CAPS2: variants seen among roughly 807,000 people sequenced by gnomAD.
CAPS2 encodes calcyphosine 2.
CAPS2 carries 98 observed loss-of-function variants against 86.5 expected under a neutral mutation model. The ratio of observed to expected loss-of-function variants is 1.13; its 90% CI spans 0.96 to 1.34. The LOEUF (loss-of-function observed/expected upper bound fraction) is 1.34, where lower values mean the gene tolerates loss of function less well. Among genes scored for constraint, CAPS2 ranks in the 40% most tolerant of loss-of-function variants. The probability of loss-of-function intolerance (pLI) is 0.00; values close to 1 mark genes in which losing one functional copy is unlikely to be tolerated. For missense variants in CAPS2, 729 were observed against 686.8 expected, an observed-to-expected ratio of 1.06 and a Z score of -0.69; for synonymous variants, 210 against 225.1, an observed-to-expected ratio of 0.93 and a Z score of 0.60.
chr12:75,276,061 A>C, downstream of CAPS2: 1 of 731,886 alleles, frequency 1.4e-6, no homozygotes. Context: ...TAAAATAAAA[A>C]TGGAACGATA....
chr12:75,276,805 A>G (rs2033014767), downstream of CAPS2: 32 of 909,300 alleles, frequency 3.5e-5, no homozygotes, highest in Admixed American at 6.2e-5. Context: ...TAAAATATAC[A>G]TAACTATAAA....
exon 17 of CAPS2, chr12:75,277,570 T>A (rs1173375452): frequency 4.2e-5 from 40 of 958,406 alleles, no homozygotes; most frequent in Non-Finnish European, 4.6e-5. Flanking sequence ...ACTAGAGGTT[T>A]ACACATATTT....
exon 6 of CAPS2, chr12:75,316,414 G>A (rs1200706201): frequency 6.5e-7 from 1 of 1,549,342 alleles, no homozygotes; most frequent in South Asian, 1.2e-5. Context: ...CATCTGTGTT[G>A]GCTTCTTCAT....
rs1430406847 is a variant in CAPS2, at chr12:75,340,445, G to A, written c.-394-17223C>T. ...TAAAGAGCAAAAATTAACCCAAAAT[G>A]AATCATAAATTTAAATAAAACTATT... is the stretch of plus-strand genomic sequence containing the variant. On this transcript the variant is annotated intron_variant, in intron 1 of 5. Coordinates refer to the CAPS2 transcript ENST00000551829. 2.0e-5 allele frequency among the ~76,000 whole-genome samples: 3 copies of A among 151,448 alleles called. No homozygotes were observed. In the East Asian group the frequency reaches 5.8e-4, roughly 29 times the overall value.
intron 1 of CAPS2, among the ~76,000 whole-genome samples, chr12:75,346,611 G>A (rs941498490): frequency 2.0e-5 from 3 of 152,010 alleles, no homozygotes; most frequent in Admixed American, 1.3e-4. Flanking sequence ...GGCTGACCTC[G>A]AACTCCTGAC....
At chr12:75,351,932 AT>A (rs892085533) in intron 1 of CAPS2, among the ~76,000 whole-genome samples, 2 of 151,966 alleles carry the variant, frequency 1.3e-5, no homozygotes, top group African/African-American at 4.8e-5. Flanking sequence ...GAGAAATGAG[AT>A]TTTTTTTCAG....
At chr12:75,296,457 A>G (rs2036900117) in intron 11 of CAPS2, among the ~76,000 whole-genome samples, 1 of 151,998 alleles carries the variant, frequency 6.6e-6, no homozygotes, top group African/African-American at 2.4e-5. Flanking sequence ...ATGCCCAACT[A>G]ATTTTTTTGT....
chr12:75,278,778 C>A, exon 17 of CAPS2: 1 of 1,333,070 alleles, frequency 7.5e-7, no homozygotes, highest in Admixed American at 3.6e-5. Flanking sequence ...AAACAAGAAA[C>A]CAGAATAAAG....
At chr12:75,278,518 A>G in exon 17 of CAPS2, 1 of 991,024 alleles carries the variant, frequency 1.0e-6, no homozygotes, top group Non-Finnish European at 1.2e-6. Flanking sequence ...AGGACAGGAA[A>G]CTTGGTTAAT....
intron 1 of CAPS2, among the ~76,000 whole-genome samples, chr12:75,357,371 G>A (rs1219871873): frequency 1.3e-5 from 2 of 152,012 alleles, no homozygotes; most frequent in Non-Finnish European, 2.9e-5. Flanking sequence ...TGTAAAATAA[G>A]ATCCAATATT....
intron 6 of CAPS2, among the ~76,000 whole-genome samples, chr12:75,316,049 A>C (rs1282087180): frequency 1.3e-5 from 2 of 152,200 alleles, no homozygotes; most frequent in Admixed American, 6.5e-5. Flanking sequence ...AAACTCACTA[A>C]CATAAATAGC....
At chr12:75,283,897 C>T (rs2034420887) in intron 15 of CAPS2, among the ~76,000 whole-genome samples, 1 of 152,150 alleles carries the variant, frequency 6.6e-6, no homozygotes. Context: ...AGGCAGCCAT[C>T]TGCAAGCCAA....
intron 1 of CAPS2, among the ~76,000 whole-genome samples, chr12:75,368,552 G>T (rs759012930): frequency 5.3e-5 from 8 of 150,994 alleles, no homozygotes; most frequent in Non-Finnish European, 1.0e-4. Flanking sequence ...AATCCAATTT[G>T]GTCATGAGGT....
intron 16 of CAPS2, among the ~76,000 whole-genome samples, chr12:75,280,333 CT>C (rs1410309619): frequency 1.3e-5 from 2 of 151,710 alleles, no homozygotes; most frequent in Non-Finnish European, 3.0e-5. Flanking sequence ...TAATGGGGTA[CT>C]TTTTTTCTTC....
intron 1 of CAPS2, among the ~76,000 whole-genome samples, chr12:75,343,459 C>T (rs1377429954): frequency 1.3e-5 from 2 of 151,928 alleles, no homozygotes; most frequent in Non-Finnish European, 2.9e-5. Context: ...ATGTACCAGG[C>T]CATCTGCTAA....
chr12:75,305,788 C>A, intron 7 of CAPS2: 2 of 730,214 alleles, frequency 2.7e-6, no homozygotes, highest in South Asian at 1.3e-5. Flanking sequence ...TGAAGGATGT[C>A]GTCGGCAGCT....
intron 1 of CAPS2, among the ~76,000 whole-genome samples, chr12:75,358,774 TATATATAATATATAACA>T (rs1463641928): frequency 4.2e-5 from 6 of 144,272 alleles, no homozygotes; most frequent in African/African-American, 7.6e-5. Context: ...TATGTTTAAA[TATATATAATATATAACA>T]ATATATAATA....
At chr12:75,375,692 C>T (rs745967259) in intron 1 of CAPS2, among the ~76,000 whole-genome samples, 5 of 152,192 alleles carry the variant, frequency 3.3e-5, no homozygotes, top group African/African-American at 7.2e-5. Flanking sequence ...CTGTAGGCTT[C>T]CTATCAATTT....
chr12:75,344,234 G>A (rs1274134789), intron 1 of CAPS2, among the ~76,000 whole-genome samples: 3 of 151,938 alleles, frequency 2.0e-5, no homozygotes, highest in Non-Finnish European at 4.4e-5. Context: ...TCCCTTCCCT[G>A]GAAGTGGGAA....
Sources: gnomAD v4.1 joint callset for allele counts (sites outside exome capture counted in the v4.1 genomes callset) on GRCh38, gnomAD v4.1.1 for gene constraint, MANE v1.5 for transcripts, NCBI Gene and HGNC (gene_info 2026-07-23, HGNC 2026-07-21) for gene names.